EIF2B3: variants seen among roughly 807,000 people sequenced by gnomAD.
EIF2B3 encodes eukaryotic translation initiation factor 2B subunit gamma.
A neutral mutation model predicts 54.1 loss-of-function variants in EIF2B3; 20 were observed. The observed-to-expected ratio is 0.37, with a 90% confidence interval of 0.26 to 0.54. EIF2B3 has a LOEUF of 0.54. Ranked by LOEUF, EIF2B3 falls within the 20% of genes least tolerant of loss-of-function variation. EIF2B3 has a pLI of 0.86. For synonymous variants in EIF2B3, 153 were observed against 188.1 expected (o/e 0.81, Z 1.52); for missense variants, 448 against 547.8 (o/e 0.82, Z 1.82).
At chr1:44,907,848 C>G (rs577020566) in intron 5 of EIF2B3, among the ~76,000 whole-genome samples, 32 of 147,064 alleles carry the variant, frequency 2.2e-4, no homozygotes, top group Non-Finnish European at 4.0e-4. Flanking sequence ...CGAGATCACG[C>G]CATTGCACTC....
At chr1:44,929,276 A>G (rs1414146969) in intron 4 of EIF2B3, among the ~76,000 whole-genome samples, 2 of 152,198 alleles carry the variant, frequency 1.3e-5, no homozygotes, top group South Asian at 2.1e-4. Context: ...CTGACAGACA[A>G]TGGCTGCTAA....
In EIF2B3 at chr1:44,879,708, G is replaced by T. The variant is rs896529758; in HGVS notation, c.975+110C>A. 4.7e-6 allele frequency: 6 copies of T among 1,286,190 alleles called. No homozygotes were observed. The African/African-American group carries it at 8.8e-5, about 19-fold the overall frequency. 79.7% of individuals were successfully genotyped at this position (1,286,190 alleles called of 1,614,324 possible). ...CGTGCCAGGTCTTGCTCAACCTTGGGAATGACAGGGATTCTTAACAAGTTA... is the reference window on the plus strand; with the variant it reads ...CGTGCCAGGTCTTGCTCAACCTTGGTAATGACAGGGATTCTTAACAAGTTA... On this transcript the variant is annotated intron_variant, in intron 8 of 11. Transcript: ENST00000360403.
At chr1:44,943,090 C>G (rs1644055425) in intron 3 of EIF2B3, among the ~76,000 whole-genome samples, 1 of 152,042 alleles carries the variant, frequency 6.6e-6, no homozygotes, top group Non-Finnish European at 1.5e-5. Flanking sequence ...ATTTCCTGAC[C>G]TCGTGATCCA....
chr1:44,954,843 T>A (rs1265075227), intron 3 of EIF2B3, among the ~76,000 whole-genome samples: 1 of 152,200 alleles, frequency 6.6e-6, no homozygotes, highest in Non-Finnish European at 1.5e-5. Flanking sequence ...CCATTCAGTA[T>A]GATATTGGCT....
At chr1:44,981,206 A>G (rs1182080534) in intron 1 of EIF2B3, 29 bp from the exon 2 acceptor site, 2 of 1,611,000 alleles carry the variant, frequency 1.2e-6, no homozygotes, top group African/African-American at 1.3e-5. Context: ...CAATTAACAG[A>G]AAAAAAACAA....
chr1:44,904,292 T>C lies in EIF2B3; in HGVS notation c.567-6848A>G, dbSNP rs185981606. Among the ~76,000 whole-genome samples the C allele has an allele frequency of 2.2e-4, 34 of 152,308 alleles. 1 individual carries two copies. The highest frequency in any genetic ancestry group is 5.3e-4 in the African/African-American group (22 of 41,556). On this transcript the variant is annotated intron_variant, in intron 5 of 11. Coordinates refer to ENST00000360403, the MANE Select transcript of EIF2B3 (RefSeq NM_020365.5). Reference sequence around the variant, plus strand: ...ATTTTATCACAGGCTTCTCTTTGCATGAATATGAATGTTAACAGAGAAGGA... The same window carrying C: ...ATTTTATCACAGGCTTCTCTTTGCACGAATATGAATGTTAACAGAGAAGGA...
chr1:44,897,194 T>C lies in EIF2B3; in HGVS notation c.656+161A>G, dbSNP rs528284625. 3.0e-4 allele frequency among the ~76,000 whole-genome samples: 45 copies of C among 152,322 alleles called. 2 individuals are homozygous for C. The South Asian group carries it at 9.1e-3, about 31-fold the overall frequency. On this transcript the variant is annotated intron_variant, in intron 6 of 11. Coordinates refer to ENST00000360403, the MANE Select transcript of EIF2B3 (RefSeq NM_020365.5). ...TGGTACAGATAAAACAACACTATATTGATGACATAATTTCATTTCTAAAAC... is the reference window on the plus strand; with the variant it reads ...TGGTACAGATAAAACAACACTATATCGATGACATAATTTCATTTCTAAAAC...
intron 11 of EIF2B3, among the ~76,000 whole-genome samples, chr1:44,857,282 C>A (rs1280966808): frequency 6.6e-6 from 1 of 152,182 alleles, no homozygotes; most frequent in Non-Finnish European, 1.5e-5. Flanking sequence ...GTAATCCCAG[C>A]ACTTTGGGAG....
rs386366856 is a variant in EIF2B3, at chr1:44,965,634, C to CTTTTTTTTTTT, written c.294+12670_294+12680dup. Among the ~76,000 whole-genome samples the CTTTTTTTTTTT allele has an allele frequency of 4.9e-5, 5 of 102,408 alleles. 1 individual carries two copies. The highest frequency in any genetic ancestry group is 1.6e-4 in the African/African-American group (4 of 25,404). 67.2% of individuals were successfully genotyped at this position (102,408 alleles called of 152,430 possible). A position where few individuals can be genotyped will look rare whatever the true frequency, so the allele number is the denominator to read the frequency against. On this transcript the variant is annotated intron_variant, in intron 3 of 11. Coordinates refer to ENST00000360403, the MANE Select transcript of EIF2B3 (RefSeq NM_020365.5). ...GGGTATCTGAGATGCACAAATGCAT[C>CTTTTTTTTTTT]TTTTTTTTTTTTTTTTTTTTTTTGA...
rs1304351329 is a variant in EIF2B3, at chr1:44,972,232, TACACACACACACACACAA to T, written c.294+6065_294+6082del. Among the ~76,000 whole-genome samples the T allele has an allele frequency of 5.2e-4, 63 of 121,826 alleles. 1 individual carries two copies. In the East Asian group the frequency reaches 7.5e-3, roughly 14 times the overall value. The allele number at this position is 121,826 out of a possible 152,430, so 79.9% of individuals were successfully genotyped here. ...GTGAGACTCTGTCTCTAAAAAAAAA[TACACACACACACACACAA>T]ACACACACACACACACATATACACA... On this transcript the variant is annotated intron_variant, in intron 3 of 11. Coordinates refer to ENST00000360403, the MANE Select transcript of EIF2B3 (RefSeq NM_020365.5).
intron 10 of EIF2B3, among the ~76,000 whole-genome samples, chr1:44,861,768 G>A (rs1348074554): frequency 6.6e-6 from 1 of 152,062 alleles, no homozygotes; most frequent in African/African-American, 2.4e-5. Context: ...AAAGCTGTGG[G>A]CTCTCCTGAG....
At position 44,941,521 on chromosome 1, in the gene EIF2B3, C is replaced by G. The variant is rs529374377; in HGVS notation, c.439G>C (p.Gly147Arg). ...DSIEPVPGQK[G>R]KKKAVEQRDF... ...TCTTCCTTACCTGCTTTTTTTTTCC[C>G]CTTTTGACCGGGAACAGGTTCTATG... The change falls in exon 4 of 12, where the codon GGG (glycine) becomes CGG (arginine). Residue 147 changes from glycine (G) to arginine (R), a missense_variant. Around this residue, in one of 3 missense-constraint regions of EIF2B3, gnomAD observed 350 missense variants for 414.2 expected, o/e 0.85. Coordinates refer to ENST00000360403, the MANE Select transcript of EIF2B3 (RefSeq NM_020365.5). 2.2e-4 allele frequency: 356 copies of G among 1,591,322 alleles called. No individual in the cohort carries two copies. The Admixed American group carries it at 6.5e-3, about 29-fold the overall frequency.
chr1:44,932,760 CAAAA>C (rs1165689010), intron 4 of EIF2B3, among the ~76,000 whole-genome samples: 30 of 148,382 alleles, frequency 2.0e-4, no homozygotes, highest in Non-Finnish European at 3.9e-4. Context: ...CAAAACAAAA[CAAAA>C]AACCTTCAAA....
chr1:44,970,698 A>C (rs1434010009), intron 3 of EIF2B3, among the ~76,000 whole-genome samples: 2 of 152,140 alleles, frequency 1.3e-5, no homozygotes, highest in Admixed American at 1.3e-4. Flanking sequence ...GTTTATACGC[A>C]CTTCCACTGC....
intron 6 of EIF2B3, among the ~76,000 whole-genome samples, chr1:44,882,735 C>A (rs1221337197): frequency 1.3e-5 from 2 of 151,798 alleles, no homozygotes; most frequent in Non-Finnish European, 2.9e-5. Context: ...GTGCTCCAGC[C>A]TCCCAAGTAG....
At chr1:44,958,595 A>G in intron 3 of EIF2B3, 1 of 1,464,976 alleles carries the variant, frequency 6.8e-7, no homozygotes, top group Non-Finnish European at 9.5e-7. Context: ...GTAATTATCA[A>G]AAGTGTGGCA....
At chr1:44,922,929 T>A (rs1028379277) in intron 5 of EIF2B3, among the ~76,000 whole-genome samples, 3 of 132,350 alleles carry the variant, frequency 2.3e-5, no homozygotes, top group African/African-American at 8.2e-5. Flanking sequence ...CGCTGTAACC[T>A]CTGCCTCCCA....
At chr1:44,930,608 T>C (rs1049275039) in intron 4 of EIF2B3, among the ~76,000 whole-genome samples, 10 of 152,132 alleles carry the variant, frequency 6.6e-5, no homozygotes, top group African/African-American at 1.2e-4. Context: ...AAAAGAAAAA[T>C]CCAGCTGTCA....
chr1:44,894,906 A>G (rs775044341), intron 6 of EIF2B3, among the ~76,000 whole-genome samples: 13 of 152,300 alleles, frequency 8.5e-5, no homozygotes, highest in South Asian at 8.3e-4. Flanking sequence ...GACCTTCTAC[A>G]TGCTGCTACC....
Sources: allele counts gnomAD v4.1 joint callset (sites outside exome capture counted in the v4.1 genomes callset), GRCh38; gene constraint gnomAD v4.1.1; regional missense constraint gnomAD v4.1.1; transcripts MANE v1.5; gene names NCBI Gene and HGNC (gene_info 2026-07-23, HGNC 2026-07-21).